Variants in PDE11A observed in about 807,000 individuals in gnomAD.
The protein encoded by PDE11A is phosphodiesterase 11A.
In PDE11A, 100 loss-of-function variants were observed where a neutral mutation model predicts 100.5. That is an observed-to-expected ratio of 1.00 (90% CI 0.85 to 1.18). The LOEUF (loss-of-function observed/expected upper bound fraction) is 1.18. Among genes scored for constraint, PDE11A ranks in the 50% most tolerant of loss-of-function variants. The pLI, the probability that PDE11A is intolerant of heterozygous loss-of-function variation, is 0.00. For missense variants in PDE11A, 1,141 were observed against 1,152.6 expected (o/e 0.99, Z 0.15); for synonymous variants, 381 against 420.8 (o/e 0.91, Z 1.16).
rs1326193207 is a variant in PDE11A at position 177,905,131 on chromosome 2, A to G, written c.1128T>C (p.Phe376=). ...CGIAISNAQL[F]AASRKEYERS... ...TTTCATATTCTTTCCTTGAGGCAGC[A>G]AAGAGCTGAGCGTTAGATATGGCGA... is the stretch of plus-strand genomic sequence containing the variant. The change falls in exon 3 of 20, where the codon TTT becomes TTC. Residue 376 remains phenylalanine, a synonymous_variant. Transcript: ENST00000286063. The G allele has an allele frequency of 2.5e-6, 4 of 1,609,060 alleles. No individual in the cohort carries two copies. The South Asian group carries it at 3.3e-5, about 13-fold the overall frequency.
At chr2:178,057,160 T>G (rs2086909852) in intron 1 of PDE11A, among the ~76,000 whole-genome samples, 1 of 152,210 alleles carries the variant, frequency 6.6e-6, no homozygotes. Context: ...GATCACTGTC[T>G]TTGGAAATGT....
chr2:177,727,972 G>T, intron 11 of PDE11A, 54 bp downstream of exon 11: 2 of 1,504,586 alleles, frequency 1.3e-6, no homozygotes, highest in East Asian at 2.3e-5. Context: ...GTTCAGAGTG[G>T]CTAACACGTT....
intron 5 of PDE11A, among the ~76,000 whole-genome samples, chr2:177,863,446 A>T (rs1174896148): frequency 1.3e-5 from 2 of 152,098 alleles, no homozygotes; most frequent in Non-Finnish European, 2.9e-5. Flanking sequence ...CAAGGGGTTA[A>T]CCATTCAAAA....
At chr2:177,816,728 T>A in intron 9 of PDE11A, 101 bp downstream of exon 9, 1 of 773,602 alleles carries the variant, frequency 1.3e-6, no homozygotes, top group East Asian at 2.4e-5. Flanking sequence ...GCCCAATGAA[T>A]AATTAAAATT....
At chr2:177,938,892 A>G (rs1266592418) in intron 2 of PDE11A, among the ~76,000 whole-genome samples, 1 of 152,206 alleles carries the variant, frequency 6.6e-6, no homozygotes, top group Non-Finnish European at 1.5e-5. Flanking sequence ...TGGTGTCCTT[A>G]GAAGAAGAGA....
intron 1 of PDE11A, among the ~76,000 whole-genome samples, chr2:178,107,076 TA>T (rs2087628098): frequency 6.6e-6 from 1 of 151,706 alleles, no homozygotes; most frequent in Non-Finnish European, 1.5e-5. Context: ...TCCTTACTCA[TA>T]AACTACAGAT....
intron 15 of PDE11A, among the ~76,000 whole-genome samples, chr2:177,693,482 C>T (rs112400106): frequency 6.6e-6 from 1 of 152,250 alleles, no homozygotes; most frequent in African/African-American, 2.4e-5. Flanking sequence ...TGGCTTCCCT[C>T]CTTCCCCATT....
At chr2:178,053,358 G>A (rs2086853911) in intron 1 of PDE11A, among the ~76,000 whole-genome samples, 1 of 152,154 alleles carries the variant, frequency 6.6e-6, no homozygotes, top group South Asian at 2.1e-4. Context: ...TTGATGGGAT[G>A]TATCTCAAAA....
At chr2:177,954,687 TC>T (rs1452348467) in intron 2 of PDE11A, among the ~76,000 whole-genome samples, 1 of 152,196 alleles carries the variant, frequency 6.6e-6, no homozygotes, top group Non-Finnish European at 1.5e-5. Flanking sequence ...CTGGAATTTA[TC>T]AAAAACATTG....
chr2:177,926,713 C>T (rs1159839579), intron 2 of PDE11A, among the ~76,000 whole-genome samples: 2 of 152,094 alleles, frequency 1.3e-5, no homozygotes, highest in Admixed American at 6.6e-5. Flanking sequence ...AAATGTGGTA[C>T]AGATAATATT....
intron 10 of PDE11A, among the ~76,000 whole-genome samples, chr2:177,752,213 A>C (rs974492328): frequency 1.3e-5 from 2 of 152,138 alleles, no homozygotes; most frequent in African/African-American, 4.8e-5. Context: ...TATTCTCTTC[A>C]ATGTTCTACT....
At chr2:177,869,248 G>C (rs2084083328) in intron 5 of PDE11A, among the ~76,000 whole-genome samples, 1 of 152,326 alleles carries the variant, frequency 6.6e-6, no homozygotes, top group East Asian at 1.9e-4. Flanking sequence ...AGTTCATCAT[G>C]ACGTGCTGGA....
At position 177,728,188 on chromosome 2, in the gene PDE11A, A is replaced by T; in HGVS notation, c.1789-16T>A. ...TGTTGGCTGCCTAGAAAAGCAAAAG[A>T]CATAAGTCAAGCCAAGTTCACCAGC... On this transcript the variant is annotated splice_polypyrimidine_tract_variant and intron_variant, in intron 10 of 19. Coordinates refer to ENST00000286063, the MANE Select transcript of PDE11A (RefSeq NM_016953.4). 1 of 1,612,430 alleles carries T rather than the reference A, an allele frequency of 6.2e-7. No homozygotes were observed. Among genetic ancestry groups the T allele is most frequent in the Non-Finnish European group, 8.5e-7 (1 of 1,178,928 alleles).
intron 2 of PDE11A, among the ~76,000 whole-genome samples, chr2:177,967,073 A>G (rs971841775): frequency 6.6e-6 from 1 of 151,550 alleles, no homozygotes; most frequent in South Asian, 2.1e-4. Flanking sequence ...TTACTGGTTC[A>G]TTCCTGTATG....
chr2:177,730,850 A>T (rs2081676620), intron 10 of PDE11A, among the ~76,000 whole-genome samples: 1 of 152,122 alleles, frequency 6.6e-6, no homozygotes, highest in African/African-American at 2.4e-5. Context: ...ACAGTACAGT[A>T]GTGTTAACTA....
chr2:177,859,359 T>C (rs906987429), intron 5 of PDE11A, among the ~76,000 whole-genome samples: 8 of 151,866 alleles, frequency 5.3e-5, no homozygotes, highest in South Asian at 2.1e-4. Context: ...AATTGGTTAA[T>C]GGATAACAAA....
Position 177,712,013 on chromosome 2 carries a change from C to T in PDE11A, c.2044-135G>A, listed in dbSNP as rs2081365985. The T allele has an allele frequency of 4.7e-6, 3 of 642,584 alleles. No individual in the cohort carries two copies. The East Asian group carries it at 8.2e-5, about 18-fold the overall frequency. 39.8% of individuals were successfully genotyped at this position (642,584 alleles called of 1,614,324 possible). ...GATGATTAACTGCCACTCCCTCAGACAACAGTAAGTTGGGTGGTCAGTTGC... is the reference window on the plus strand; with the variant it reads ...GATGATTAACTGCCACTCCCTCAGATAACAGTAAGTTGGGTGGTCAGTTGC... On this transcript the variant is annotated intron_variant, in intron 12 of 19. Transcript: ENST00000286063.
intron 2 of PDE11A, among the ~76,000 whole-genome samples, chr2:177,942,689 C>T (rs527878914): frequency 3.9e-5 from 6 of 152,182 alleles, no homozygotes; most frequent in Admixed American, 1.3e-4. Context: ...AGGAATGAGC[C>T]ACCGCACCCG....
In PDE11A at chr2:178,018,378, C is replaced by CTTGACTTTAACTTGGCACAT. The variant is rs1574345015; in HGVS notation, c.913-3919_913-3918insATGTGCCAAGTTAAAGTCAA. On this transcript the variant is annotated intron_variant, in intron 1 of 19. Coordinates refer to ENST00000286063, the MANE Select transcript of PDE11A (RefSeq NM_016953.4). Reference sequence around the variant, plus strand: ...CTGCCAAGGCAGGCCTTTTGGCACACTTGACTTTAACCTTTGCCGGGCTTT... The same window carrying CTTGACTTTAACTTGGCACAT: ...CTGCCAAGGCAGGCCTTTTGGCACACTTGACTTTAACTTGGCACATTTGACTTTAACCTTTGCCGGGCTTT... 3 of 413,226 alleles carry CTTGACTTTAACTTGGCACAT rather than the reference C, an allele frequency of 7.3e-6. No individual in the cohort carries two copies. In the East Asian group the frequency reaches 1.8e-4, roughly 25 times the overall value. The allele number at this position is 413,226 out of a possible 1,614,324, so 25.6% of individuals were successfully genotyped here. A position where few individuals can be genotyped will look rare whatever the true frequency, so the allele number is the denominator to read the frequency against.
Sources: allele counts gnomAD v4.1 joint callset (sites outside exome capture counted in the v4.1 genomes callset), GRCh38; gene constraint gnomAD v4.1.1; transcripts MANE v1.5; gene names NCBI Gene and HGNC (gene_info 2026-07-23, HGNC 2026-07-21).